VCL: variants seen among roughly 807,000 people sequenced by gnomAD.
VCL encodes the protein epididymis luminal protein 114.
A neutral mutation model predicts 125.7 loss-of-function variants in VCL; 47 were observed. The observed-to-expected ratio is 0.37, with a 90% CI of 0.30 to 0.48. The LOEUF (loss-of-function observed/expected upper bound fraction) is 0.48. Among genes scored for constraint, VCL ranks in the 20% least tolerant of loss-of-function variants. VCL has a pLI of 0.99. For missense variants in VCL, 1,069 were observed against 1,455.5 expected (o/e 0.73, Z 4.32); for synonymous variants, 458 against 514.6 (o/e 0.89, Z 1.49).
At chr10:74,049,106 CAAAA>C (rs201075042) in intron 2 of VCL, among the ~76,000 whole-genome samples, 3,288 of 147,446 alleles carry the variant, frequency 0.022, 55 homozygotes, top group East Asian at 0.063. Flanking sequence ...GACTCCATCT[CAAAA>C]AAACAAACAA....
intron 1 of VCL, among the ~76,000 whole-genome samples, chr10:74,018,300 T>C (rs912948613): frequency 1.5e-4 from 22 of 151,160 alleles, no homozygotes; most frequent in African/African-American, 4.4e-4. Flanking sequence ...TCATGTGATC[T>C]ACCTGCCTTG....
intron 2 of VCL, among the ~76,000 whole-genome samples, chr10:74,052,953 A>G (rs750211449): frequency 6.8e-6 from 1 of 147,598 alleles, no homozygotes; most frequent in Non-Finnish European, 1.5e-5. Context: ...AAAAATATAT[A>G]TATATATATA....
At chr10:74,074,714 G>A (rs1420417358) in intron 5 of VCL, 29 bp from the exon 6 acceptor site, 27 of 1,608,452 alleles carry the variant, frequency 1.7e-5, no homozygotes, top group Non-Finnish European at 2.3e-5. Context: ...TAAATTCCAA[G>A]CTTACTTTCT....
At chr10:74,090,229 A>G (rs748702546) in intron 10 of VCL, 31 bp downstream of exon 10, 1 of 1,611,824 alleles carries the variant, frequency 6.2e-7, no homozygotes, top group South Asian at 1.1e-5. Context: ...TTGCCTTTTC[A>G]TATCTTTTCT....
chr10:74,088,174 C>G (rs1420388063), intron 8 of VCL, among the ~76,000 whole-genome samples: 1 of 152,158 alleles, frequency 6.6e-6, no homozygotes, highest in Non-Finnish European at 1.5e-5. Flanking sequence ...TTGAGTTTAC[C>G]AGCCTGCTTG....
At position 74,112,224 on chromosome 10, in the gene VCL, C is replaced by T. The variant is rs183633633; in HGVS notation, c.2949+112C>T. ...GCTGGTCCTGTGAGTCTGAGCAGGGCGGGCATCTGTCTGTCTGCACCATGT... is the reference window on the plus strand; with the variant it reads ...GCTGGTCCTGTGAGTCTGAGCAGGGTGGGCATCTGTCTGTCTGCACCATGT... On this transcript the variant is annotated intron_variant, in intron 19 of 21. Transcript: ENST00000211998. 543 of 1,379,770 alleles carry T rather than the reference C, an allele frequency of 3.9e-4. No homozygotes were observed. Among genetic ancestry groups the T allele is most frequent in the Non-Finnish European group, 5.0e-4 (498 of 986,350 alleles). The allele number at this position is 1,379,770 out of a possible 1,614,324, so 85.5% of individuals were successfully genotyped here.
At chr10:74,075,183 G>A (rs1158885403) in intron 6 of VCL, 8 of 423,030 alleles carry the variant, frequency 1.9e-5, no homozygotes, top group Non-Finnish European at 2.6e-5. Flanking sequence ...CTTATTGGTT[G>A]GACTGGTGGA....
At position 74,094,478 on chromosome 10, in the gene VCL, A is replaced by T; in HGVS notation, c.1543+17A>T. 1.9e-6 allele frequency: 3 copies of T among 1,610,080 alleles called. No homozygotes were observed. In the South Asian group the frequency reaches 3.3e-5, roughly 18 times the overall value. On this transcript the variant is annotated intron_variant, in intron 11 of 21. Coordinates refer to ENST00000211998, the MANE Select transcript of VCL (RefSeq NM_014000.3). Reference sequence around the variant, plus strand: ...GTGGAGTCGGTAAGGGCAGCAGTGCACTATAACCTCATTAAATTGGTCTCA... The same window carrying T: ...GTGGAGTCGGTAAGGGCAGCAGTGCTCTATAACCTCATTAAATTGGTCTCA...
chr10:74,021,165 T>C (rs1840658437), intron 1 of VCL, among the ~76,000 whole-genome samples: 1 of 152,118 alleles, frequency 6.6e-6, no homozygotes, highest in South Asian at 2.1e-4. Flanking sequence ...ACTCTCTTCA[T>C]GAAGCTCTTC....
intron 1 of VCL, among the ~76,000 whole-genome samples, chr10:74,040,588 T>C (rs1012397990): frequency 6.6e-6 from 1 of 152,208 alleles, no homozygotes; most frequent in Non-Finnish European, 1.5e-5. Context: ...TTAGTTTCAG[T>C]TGGAAAACAT....
At position 74,074,837 on chromosome 10, in the gene VCL, T is replaced by C; in HGVS notation, c.717T>C (p.Ala239=). ...NRNFTVEKMS[A]EINEIIRVLQ... is the part of the protein sequence containing the mutation. ...ATTTTACTGTAGAAAAAATGAGTGCTGAAATTAATGAGATAATTCGTGTGT... is the reference window on the plus strand; with the variant it reads ...ATTTTACTGTAGAAAAAATGAGTGCCGAAATTAATGAGATAATTCGTGTGT... Residue 239 remains alanine, a synonymous_variant, in exon 6 of 22, where the codon GCT becomes GCC. Transcript: ENST00000211998. 3 of 1,614,184 alleles carry C rather than the reference T, an allele frequency of 1.9e-6. No individual in the cohort carries two copies. The South Asian group carries it at 3.3e-5, about 18-fold the overall frequency.
chr10:74,104,960 C>T (rs1840109155), intron 15 of VCL, 91 bp from the exon 16 acceptor site: 1 of 1,408,250 alleles, frequency 7.1e-7, no homozygotes. Flanking sequence ...GGATGTTATA[C>T]TTTCTCATGA....
At chr10:74,022,509 G>A (rs1184305767) in intron 1 of VCL, among the ~76,000 whole-genome samples, 2 of 151,510 alleles carry the variant, frequency 1.3e-5, no homozygotes, top group East Asian at 2.0e-4. Context: ...TTGCGCCATT[G>A]AACTCCAGCT....
At chr10:74,068,673 T>C (rs186964954) in intron 2 of VCL, among the ~76,000 whole-genome samples, 16 of 152,300 alleles carry the variant, frequency 1.1e-4, no homozygotes, top group African/African-American at 3.8e-4. Flanking sequence ...AAAAGCAGAA[T>C]GCAGCGAGTG....
intron 14 of VCL, 91 bp downstream of exon 14, chr10:74,101,188 T>C (rs1246685807): frequency 1.3e-6 from 2 of 1,529,620 alleles, no homozygotes; most frequent in Middle Eastern, 1.8e-4. Flanking sequence ...TACCGTAAGA[T>C]GGCATAAAAA....
At chr10:74,082,325 T>C (rs1839689309) in intron 6 of VCL, 129 bp from the exon 7 acceptor site, 2 of 896,118 alleles carry the variant, frequency 2.2e-6, no homozygotes, top group Non-Finnish European at 3.6e-6. Context: ...TGACAATATT[T>C]TTAAGGCCTT....
intron 2 of VCL, among the ~76,000 whole-genome samples, chr10:74,048,972 G>T (rs1841245968): frequency 6.6e-6 from 1 of 152,160 alleles, no homozygotes; most frequent in Non-Finnish European, 1.5e-5. Context: ...GCCGGACGTG[G>T]TGGCAGGCAC....
At position 74,114,802 on chromosome 10, in the gene VCL, A is replaced by G. The variant is rs777193704; in HGVS notation, c.3161A>G (p.Glu1054Gly). The G allele has an allele frequency of 6.2e-7, 1 of 1,605,862 alleles. No homozygotes were observed. The highest frequency in any genetic ancestry group is 8.5e-7 in the Non-Finnish European group (1 of 1,177,090). The part of the protein sequence containing the change: ...RIRTNLLQVC[E>G]RIPTISTQLK... ...ATTAAACTTTCTCTTTAGGTATGTGAGCGAATCCCAACCATAAGCACCCAG... is the reference window on the plus strand; with the variant it reads ...ATTAAACTTTCTCTTTAGGTATGTGGGCGAATCCCAACCATAAGCACCCAG... The change falls in exon 21 of 22, where the codon GAG becomes GGG. Residue 1054 changes from glutamate (E) to glycine (G), a missense_variant. Physicochemically the swap from Glu to Gly is moderately conservative, Grantham distance 98. Coordinates refer to ENST00000211998, the MANE Select transcript of VCL (RefSeq NM_014000.3).
chr10:74,067,115 C>T (rs750168977), intron 2 of VCL, among the ~76,000 whole-genome samples: 1 of 152,060 alleles, frequency 6.6e-6, no homozygotes. Flanking sequence ...ATAAAGATAA[C>T]CTACAGACTG....
Sources: allele counts gnomAD v4.1 joint callset (sites outside exome capture counted in the v4.1 genomes callset), GRCh38; gene constraint gnomAD v4.1.1; transcripts MANE v1.5; gene names NCBI Gene and HGNC (gene_info 2026-07-23, HGNC 2026-07-21).